PIEZO2: variants seen among roughly 807,000 people sequenced by gnomAD.
PIEZO2 encodes the protein piezo type mechanosensitive ion channel component 2.
Under a neutral mutation model 337.3 loss-of-function variants are expected in PIEZO2, and 172 were observed. The observed-to-expected ratio is 0.51, with a 90% confidence interval of 0.45 to 0.58. The LOEUF (loss-of-function observed/expected upper bound fraction) is 0.58, where lower values mean the gene tolerates loss of function less well. PIEZO2 is among the 20% of genes least tolerant of loss of function. PIEZO2 has a pLI of 0.00. For synonymous variants in PIEZO2, 1,251 were observed against 1,228.5 expected (o/e 1.02, Z -0.38); for missense variants, 3,028 against 3,391.3 (o/e 0.89, Z 2.66).
At chr18:11,122,353 A>G (rs1036431812) in intron 1 of PIEZO2, among the ~76,000 whole-genome samples, 2 of 152,240 alleles carry the variant, frequency 1.3e-5, no homozygotes, top group East Asian at 3.8e-4. Context: ...ATTTTAAACA[A>G]TCAGCCAGGA....
At chr18:10,764,380 G>A (rs1042620543) in intron 21 of PIEZO2, among the ~76,000 whole-genome samples, 1 of 152,070 alleles carries the variant, frequency 6.6e-6, no homozygotes, top group African/African-American at 2.4e-5. Flanking sequence ...GGTGGCTCAC[G>A]CCTGTAATCC....
intron 1 of PIEZO2, among the ~76,000 whole-genome samples, chr18:11,086,107 G>A (rs995459103): frequency 2.0e-5 from 3 of 152,168 alleles, no homozygotes; most frequent in African/African-American, 7.2e-5. Flanking sequence ...AAGAATTTTA[G>A]AAACTGATAT....
chr18:11,058,952 T>C (rs1340003059), intron 2 of PIEZO2, among the ~76,000 whole-genome samples: 1 of 152,120 alleles, frequency 6.6e-6, no homozygotes, highest in African/African-American at 2.4e-5. Context: ...GACACATCAT[T>C]GTCAGATTCA....
rs1042612041 is a variant in PIEZO2, at chr18:10,833,303, T to G, written c.917+22050A>C. 9.2e-5 allele frequency among the ~76,000 whole-genome samples: 14 copies of G among 152,004 alleles called. No individual in the cohort carries two copies. The highest frequency in any genetic ancestry group is 3.4e-4 in the African/African-American group (14 of 41,380). ...GAAACACAGTTCTGACGCACTGGGATTCACTTATTTTTCCTGTGTTCTCTT... is the reference window on the plus strand; with the variant it reads ...GAAACACAGTTCTGACGCACTGGGAGTCACTTATTTTTCCTGTGTTCTCTT... On this transcript the variant is annotated intron_variant, in intron 7 of 55. Transcript: ENST00000674853. The surrounding 1 kb of genome is among the most constrained non-coding windows in gnomAD (Gnocchi z 4.7).
intron 5 of PIEZO2, among the ~76,000 whole-genome samples, chr18:10,866,515 G>A (rs2042011312): frequency 1.3e-5 from 2 of 152,192 alleles, no homozygotes; most frequent in East Asian, 1.9e-4. Flanking sequence ...TCAATATCCC[G>A]ACCTCGTGAT....
At position 10,830,483 on chromosome 18, in the gene PIEZO2, T is replaced by C. The variant is rs910143306; in HGVS notation, c.918-23209A>G. On this transcript the variant is annotated intron_variant, in intron 7 of 55. Coordinates refer to ENST00000674853, the MANE Select transcript of PIEZO2 (RefSeq NM_001378183.1). This position sits in a 1 kb window ranked among gnomAD's most constrained non-coding sequence, Gnocchi z 4.7. ...CCCCTTTTATGCCTCTGGTTGCACT[T>C]GAATAAAACTAGACCTCTATTTCTC... Among the ~76,000 whole-genome samples, 5 of 151,756 alleles carry C rather than the reference T, an allele frequency of 3.3e-5. No individual in the cohort carries two copies. The highest frequency in any genetic ancestry group is 3.3e-4 in the Admixed American group (5 of 15,212).
chr18:11,120,346 T>A (rs984412595), intron 1 of PIEZO2, among the ~76,000 whole-genome samples: 4 of 152,252 alleles, frequency 2.6e-5, no homozygotes, highest in Non-Finnish European at 4.4e-5. Flanking sequence ...TATGGTTTGT[T>A]GATTTGCATT....
rs78023192 is a variant in PIEZO2, at chr18:10,705,737, C to T, written c.5598G>A (p.Thr1866=). The part of the protein sequence containing the change: ...DSGSLASSEP[T]QCTMLYSRQG... ...GGCGTGAGTACAGCATGGTACACTG[C>T]GTGGGCTCGCTGTTGGGAGAAAGCG... Residue 1866 remains threonine (T), a synonymous_variant, in exon 41 of 56, where the codon ACG becomes ACA. Coordinates refer to ENST00000674853, the MANE Select transcript of PIEZO2 (RefSeq NM_001378183.1). The T allele has an allele frequency of 0.028, 43,166 of 1,525,144 alleles. 726 individuals carry two copies. Among genetic ancestry groups the T allele is most frequent in the Middle Eastern group, 0.046 (269 of 5,900 alleles). The allele number at this position is 1,525,144 out of a possible 1,614,324, so 94.5% of individuals were successfully genotyped here.
chr18:10,807,973 T>C (rs2040053945), intron 7 of PIEZO2, among the ~76,000 whole-genome samples: 1 of 152,236 alleles, frequency 6.6e-6, no homozygotes, highest in Non-Finnish European at 1.5e-5. Flanking sequence ...CTGTGTAAAA[T>C]ATGACTCATT....
rs1329274614 is a variant in PIEZO2 at position 11,146,322 on chromosome 18, C to G, written c.64+2203G>C. The stretch of plus-strand genomic sequence containing the variant: ...AAGTGGACTCAGGCAGCGGGAGCCC[C>G]CAGCCTGCCCTGGGGCACAAGCCAG... On this transcript the variant is annotated intron_variant, in intron 1 of 55. Coordinates refer to ENST00000674853, the MANE Select transcript of PIEZO2 (RefSeq NM_001378183.1). This position sits in a 1 kb window ranked among gnomAD's most constrained non-coding sequence, Gnocchi z 6.1. Among the ~76,000 whole-genome samples the G allele has an allele frequency of 6.6e-6, 1 of 152,144 alleles. No individual in the cohort carries two copies. The highest frequency in any genetic ancestry group is 1.5e-5 in the Non-Finnish European group (1 of 68,022).
At chr18:10,874,127 A>AC (rs1300225592) in intron 4 of PIEZO2, among the ~76,000 whole-genome samples, 1 of 152,208 alleles carries the variant, frequency 6.6e-6, no homozygotes, top group Non-Finnish European at 1.5e-5. Context: ...AATAGTAAAA[A>AC]TAAACAACCA....
rs1309831192 is a variant in PIEZO2 at position 10,954,651 on chromosome 18, T to C, written c.286+24884A>G. 2.0e-5 allele frequency among the ~76,000 whole-genome samples: 3 copies of C among 152,140 alleles called. No homozygotes were observed. Among genetic ancestry groups the C allele is most frequent in the African/African-American group, 7.2e-5 (3 of 41,448 alleles). ...AAGAAAAAGGGCTGAGCTAGAGTGA[T>C]GGCGGCACTCGAAGTCCACTGCAGT... is the stretch of plus-strand genomic sequence containing the variant. On this transcript the variant is annotated intron_variant, in intron 3 of 55. Transcript: ENST00000674853. This position sits in a 1 kb window ranked among gnomAD's most constrained non-coding sequence, Gnocchi z 4.2.
rs1373851404 is a variant in PIEZO2 at position 10,677,969 on chromosome 18, C to T, written c.7953-94G>A. 2 of 1,271,632 alleles carry T rather than the reference C, an allele frequency of 1.6e-6. No homozygotes were observed. Among genetic ancestry groups the T allele is most frequent in the Non-Finnish European group, 2.1e-6 (2 of 948,738 alleles). The allele number at this position is 1,271,632 out of a possible 1,614,324, so 78.8% of individuals were successfully genotyped here. A position where few individuals can be genotyped will look rare whatever the true frequency, so the allele number is the denominator to read the frequency against. ...ATTTAACTCTTAATTTGATTAATGT[C>T]ACCACGTTTTCATTGGGTCCACAAC... On this transcript the variant is annotated intron_variant, in intron 52 of 55. Coordinates refer to ENST00000674853, the MANE Select transcript of PIEZO2 (RefSeq NM_001378183.1). This position sits in a 1 kb window ranked among gnomAD's most constrained non-coding sequence, Gnocchi z 4.1.
At chr18:10,802,223 T>G (rs1192699764) in intron 9 of PIEZO2, among the ~76,000 whole-genome samples, 1 of 152,160 alleles carries the variant, frequency 6.6e-6, no homozygotes, top group African/African-American at 2.4e-5. Flanking sequence ...AGTAATACAT[T>G]ACTACCAGGT....
intron 4 of PIEZO2, among the ~76,000 whole-genome samples, chr18:10,879,617 G>A (rs1247622911): frequency 2.0e-5 from 3 of 151,924 alleles, no homozygotes; most frequent in African/African-American, 4.8e-5. Flanking sequence ...GGATGGTCTC[G>A]ATCTCCTGAC....
At chr18:10,772,892 C>T (rs2038653424) in intron 20 of PIEZO2, among the ~76,000 whole-genome samples, 1 of 152,238 alleles carries the variant, frequency 6.6e-6, no homozygotes, top group Non-Finnish European at 1.5e-5. Context: ...TTGACAAAAA[C>T]ATCTCTAGGA....
chr18:10,787,175 C>A lies in PIEZO2; in HGVS notation c.2179G>T (p.Glu727Ter). Residue 727 changes from glutamate to a stop codon, truncating the protein, a stop_gained, in exon 16 of 56, where the codon GAA (glutamate) becomes TAA (stop). Coordinates refer to ENST00000674853, the MANE Select transcript of PIEZO2 (RefSeq NM_001378183.1). LOFTEE classifies it high-confidence loss of function. ...FCVALYQVHY[E>*]WWRKILKYFW... is the part of the protein sequence containing the mutation. ...TATTTTAGAATTTTCCTCCACCATT[C>A]ATAGTGCACCTGCAAATCAGACATT... The A allele has an allele frequency of 6.6e-7, 1 of 1,514,616 alleles. No homozygotes were observed. The highest frequency in any genetic ancestry group is 1.3e-5 in the South Asian group (1 of 79,500). The allele number at this position is 1,514,616 out of a possible 1,614,324, so 93.8% of individuals were successfully genotyped here. A position where few individuals can be genotyped will look rare whatever the true frequency, so the allele number is the denominator to read the frequency against.
At chr18:10,804,667 G>A (rs2039938880) in intron 8 of PIEZO2, among the ~76,000 whole-genome samples, 1 of 80,698 alleles carries the variant, frequency 1.2e-5, no homozygotes, top group African/African-American at 3.1e-5. Context: ...TAACTCCCTG[G>A]GAGGGGCGTT....
Position 10,855,372 on chromosome 18 carries a change from G to T in PIEZO2, c.898C>A (p.Pro300Thr). 6.5e-7 allele frequency: 1 copy of T among 1,536,048 alleles called. No homozygotes were observed. Among genetic ancestry groups the T allele is most frequent in the Non-Finnish European group, 8.7e-7 (1 of 1,145,824 alleles). ...TCTTACCTTGCATAGTAGTCATTGG[G>T]TGGAACTGCCTCTTGAAAGAATTGG... ...QFQFFQEAVPPNDYYARLFGI... is the reference protein window; with the variant it reads ...QFQFFQEAVPTNDYYARLFGI... Residue 300 changes from proline (P) to threonine (T), a missense_variant, in exon 7 of 56, where the codon CCC becomes ACC. By Grantham distance (38) the Pro-to-Thr change is conservative (BLOSUM62 -1). Transcript: ENST00000674853. The surrounding 1 kb of genome is among the most constrained non-coding windows in gnomAD (Gnocchi z 4.9).
Sources: gnomAD v4.1 joint callset for allele counts (sites outside exome capture counted in the v4.1 genomes callset) on GRCh38, gnomAD v4.1.1 for gene constraint, Gnocchi (gnomAD v3.1) non-coding constraint, MANE v1.5 for transcripts, NCBI Gene and HGNC (gene_info 2026-07-23, HGNC 2026-07-21) for gene names.